COL24A1: variants seen among roughly 807,000 people sequenced by gnomAD.
COL24A1 encodes collagen type XXIV alpha 1 chain, also known as collagen alpha-1(XXIV) chain.
COL24A1 carries 224 observed loss-of-function variants against 253.9 expected under a neutral mutation model. The observed-to-expected ratio is 0.88, with a 90% confidence interval of 0.79 to 0.99. The LOEUF (loss-of-function observed/expected upper bound fraction) is 0.99, where lower values mean the gene tolerates loss of function less well. Ranked by LOEUF, COL24A1 falls within the 50% of genes least tolerant of loss-of-function variation. COL24A1 has a pLI of 0.00. For synonymous variants in COL24A1, 685 were observed against 673.7 expected (o/e 1.02, Z -0.26); for missense variants, 2,131 against 2,068.5 (o/e 1.03, Z -0.59).
chr1:85,946,309 C>T (rs528693772), intron 24 of COL24A1, among the ~76,000 whole-genome samples: 3 of 152,160 alleles, frequency 2.0e-5, no homozygotes, highest in Admixed American at 6.5e-5. Flanking sequence ...CGGGTTTCCG[C>T]GGGACTTCAC....
intron 24 of COL24A1, among the ~76,000 whole-genome samples, chr1:85,941,630 TA>T (rs1250333472): frequency 4.9e-5 from 6 of 123,050 alleles, no homozygotes; most frequent in African/African-American, 1.8e-4. Context: ...TACTTTTTTT[TA>T]AAAAAATGGA....
At chr1:86,089,288 G>T in intron 6 of COL24A1, 61 bp from the exon 7 acceptor site, 2 of 1,308,212 alleles carry the variant, frequency 1.5e-6, no homozygotes, top group Non-Finnish European at 2.1e-6. Context: ...GAATTCTCTT[G>T]AAAATTAAAG....
chr1:86,059,853 AGAGGCCATGT>A (rs1220568171), intron 8 of COL24A1, among the ~76,000 whole-genome samples: 1 of 152,122 alleles, frequency 6.6e-6, no homozygotes, highest in Non-Finnish European at 1.5e-5. Context: ...GACCTTATAA[AGAGGCCATGT>A]GAGAATACAA....
chr1:85,934,022 A>G (rs1688043404), intron 24 of COL24A1, among the ~76,000 whole-genome samples: 1 of 152,162 alleles, frequency 6.6e-6, no homozygotes, highest in Non-Finnish European at 1.5e-5. Context: ...TCTTTCATGA[A>G]GTTGCAGTCA....
intron 28 of COL24A1, among the ~76,000 whole-genome samples, chr1:85,905,458 C>T (rs989417776): frequency 3.9e-5 from 6 of 151,912 alleles, no homozygotes; most frequent in Non-Finnish European, 8.8e-5. Flanking sequence ...TTCTGGTCTT[C>T]GGTATGTTTT....
chr1:85,948,674 G>T (rs967793173), intron 24 of COL24A1, among the ~76,000 whole-genome samples: 4 of 151,350 alleles, frequency 2.6e-5, no homozygotes, highest in African/African-American at 9.7e-5. Context: ...ACACCAAGGA[G>T]TCAAAAAACT....
chr1:85,730,780 G>A, intron 59 of COL24A1, 88 bp from the exon 60 acceptor site: 1 of 1,358,196 alleles, frequency 7.4e-7, no homozygotes, highest in African/African-American at 1.4e-5. Context: ...ATGTGAACTT[G>A]TTTTAAGGAT....
intron 35 of COL24A1, among the ~76,000 whole-genome samples, chr1:85,870,949 A>G (rs1680397407): frequency 6.6e-6 from 1 of 152,190 alleles, no homozygotes; most frequent in Non-Finnish European, 1.5e-5. Flanking sequence ...ATAGACCGCT[A>G]GCAATACTAA....
intron 47 of COL24A1, among the ~76,000 whole-genome samples, chr1:85,790,108 T>A (rs1472438761): frequency 6.6e-6 from 1 of 152,184 alleles, no homozygotes; most frequent in Admixed American, 6.5e-5. Context: ...TTGTTTGAAA[T>A]CGTTTCAGAA....
At chr1:86,034,190 T>C (rs1201764663) in intron 12 of COL24A1, among the ~76,000 whole-genome samples, 3 of 152,124 alleles carry the variant, frequency 2.0e-5, no homozygotes, top group Non-Finnish European at 2.9e-5. Flanking sequence ...AGAAGTTTGT[T>C]CATCATACAT....
rs74977746 is a variant in COL24A1 at position 86,135,839 on chromosome 1, T to A, written c.122-9625A>T. On this transcript the variant is annotated intron_variant, in intron 2 of 59. Transcript: ENST00000370571. Reference sequence around the variant, plus strand: ...GTGTGTACATTCTCATTTTTGCTGCTTTTCCTTACATGTTTCCTTATTGTA... The same window carrying A: ...GTGTGTACATTCTCATTTTTGCTGCATTTCCTTACATGTTTCCTTATTGTA... Among the ~76,000 whole-genome samples, 814 of 152,192 alleles carry A rather than the reference T, an allele frequency of 5.3e-3. 17 individuals are homozygous for A. In the East Asian group the frequency reaches 0.065, roughly 12 times the overall value.
chr1:85,951,191 A>C (rs181631530), intron 24 of COL24A1, among the ~76,000 whole-genome samples: 1 of 152,332 alleles, frequency 6.6e-6, no homozygotes, highest in African/African-American at 2.4e-5. Context: ...GTCAATGTAC[A>C]AAAATAAGGC....
In COL24A1 at chr1:86,121,325, A is replaced by G. The variant is rs533698621; in HGVS notation, c.1491+3520T>C. Reference sequence around the variant, plus strand: ...TTCTACTCAGTACCATTGTTTAAACATGAATTTTTAAAGCATTAATTCACT... The same window carrying G: ...TTCTACTCAGTACCATTGTTTAAACGTGAATTTTTAAAGCATTAATTCACT... On this transcript the variant is annotated intron_variant, in intron 3 of 59. Coordinates refer to ENST00000370571, the MANE Select transcript of COL24A1 (RefSeq NM_152890.7). 7.9e-5 allele frequency among the ~76,000 whole-genome samples: 12 copies of G among 152,270 alleles called. No individual in the cohort carries two copies. In the South Asian group the frequency reaches 2.5e-3, roughly 32 times the overall value.
chr1:86,124,888 T>C lies in COL24A1; in HGVS notation c.1448A>G (p.Glu483Gly). The C allele has an allele frequency of 1.2e-6, 2 of 1,600,512 alleles. No homozygotes were observed. Among genetic ancestry groups the C allele is most frequent in the Non-Finnish European group, 1.7e-6 (2 of 1,175,596 alleles). Reference protein sequence around the residue: ...YYYEDLNTMLEMEYLRGPKGD... With the variant: ...YYYEDLNTMLGMEYLRGPKGD... ...TTTTGGCCCTCTCAGATACTCCATT[T>C]CAAGCATTGTATTTAGATCCTCATA... The change falls in exon 3 of 60, where the codon GAA becomes GGA. Residue 483 changes from glutamate to glycine, a missense_variant. By Grantham distance (98) the Glu-to-Gly change is moderately conservative. Coordinates refer to ENST00000370571, the MANE Select transcript of COL24A1 (RefSeq NM_152890.7).
At chr1:86,001,436 T>C (rs971351339) in intron 19 of COL24A1, among the ~76,000 whole-genome samples, 2 of 152,182 alleles carry the variant, frequency 1.3e-5, no homozygotes, top group Non-Finnish European at 2.9e-5. Context: ...ACCATTTGCA[T>C]GGTATGGTTA....
At chr1:86,113,650 G>A (rs960323470) in intron 4 of COL24A1, among the ~76,000 whole-genome samples, 1 of 151,518 alleles carries the variant, frequency 6.6e-6, no homozygotes, top group East Asian at 1.9e-4. Flanking sequence ...CCAGGGCAAC[G>A]CAGCAAGACC....
At chr1:85,900,865 G>A (rs1684217227) in intron 28 of COL24A1, among the ~76,000 whole-genome samples, 1 of 152,052 alleles carries the variant, frequency 6.6e-6, no homozygotes, top group Non-Finnish European at 1.5e-5. Flanking sequence ...TCCAGATGCA[G>A]AAGAATTAAA....
At chr1:85,885,704 T>C (rs961177364) in intron 32 of COL24A1, among the ~76,000 whole-genome samples, 6 of 152,190 alleles carry the variant, frequency 3.9e-5, no homozygotes, top group Non-Finnish European at 5.9e-5. Flanking sequence ...GATTATATAA[T>C]TGTTTTGAAA....
At chr1:85,864,123 C>T (rs1273425996) in intron 37 of COL24A1, among the ~76,000 whole-genome samples, 1 of 152,100 alleles carries the variant, frequency 6.6e-6, no homozygotes. Flanking sequence ...CAGCACTATT[C>T]ACAATAGCAA....
Sources: gnomAD v4.1 joint callset for allele counts (sites outside exome capture counted in the v4.1 genomes callset) on GRCh38, gnomAD v4.1.1 for gene constraint, MANE v1.5 for transcripts, NCBI Gene and HGNC (gene_info 2026-07-23, HGNC 2026-07-21) for gene names.